The following PRKAG2 variants were observed in gnomAD, a reference collection of about 807,000 sequenced individuals.
PRKAG2 encodes the protein 5'-AMP-activated protein kinase subunit gamma-2.
PRKAG2 carries 26 observed loss-of-function variants against 69.6 expected under a neutral mutation model. That is an observed-to-expected ratio of 0.37 (90% CI 0.27 to 0.52). The LOEUF (loss-of-function observed/expected upper bound fraction) is 0.52. Among genes scored for constraint, PRKAG2 ranks in the 20% least tolerant of loss-of-function variants. The pLI, the probability that PRKAG2 is intolerant of heterozygous loss-of-function variation, is 0.90. For missense variants in PRKAG2, 557 were observed against 740.0 expected, an observed-to-expected ratio of 0.75 and a Z score of 2.87; for synonymous variants, 293 against 285.0, an observed-to-expected ratio of 1.03 and a Z score of -0.28.
intron 5 of PRKAG2, among the ~76,000 whole-genome samples, chr7:151,601,671 G>C (rs996545822): frequency 6.6e-6 from 1 of 152,124 alleles, no homozygotes; most frequent in South Asian, 2.1e-4. Flanking sequence ...CATCACCCCC[G>C]TCATTTCTAC....
chr7:151,560,727 G>C (rs1804753408), intron 14 of PRKAG2, 110 bp from the exon 15 acceptor site: 1 of 1,390,264 alleles, frequency 7.2e-7, no homozygotes, highest in East Asian at 2.5e-5. Flanking sequence ...CATCCCTCCA[G>C]CCTGGGGAAT....
chr7:151,839,032 T>C (rs77002713), intron 1 of PRKAG2, among the ~76,000 whole-genome samples: 2 of 64,350 alleles, frequency 3.1e-5, no homozygotes, highest in African/African-American at 9.0e-5. Flanking sequence ...AAAAAAAAAA[T>C]AGAAAAGGGG....
chr7:151,718,285 G>A (rs975754482), intron 3 of PRKAG2, among the ~76,000 whole-genome samples: 2 of 151,792 alleles, frequency 1.3e-5, no homozygotes, highest in Admixed American at 1.3e-4. Context: ...TGGAGGGGGG[G>A]GTAGAGCTCT....
At chr7:151,747,575 C>T in intron 3 of PRKAG2, among the ~76,000 whole-genome samples, 1 of 151,922 alleles carries the variant, frequency 6.6e-6, no homozygotes, top group Admixed American at 6.6e-5. Flanking sequence ...ACCAACCAAC[C>T]AAACAAACAA....
chr7:151,701,842 C>CA (rs71533538), intron 3 of PRKAG2, among the ~76,000 whole-genome samples: 7,572 of 92,254 alleles, frequency 0.082, 321 homozygotes, highest in East Asian at 0.26. Context: ...GACTCTGTCT[C>CA]AAAAAAAAAA....
At chr7:151,737,344 T>TAA (rs576477445) in intron 3 of PRKAG2, among the ~76,000 whole-genome samples, 50,509 of 142,876 alleles carry the variant, frequency 0.35, 9,120 homozygotes, top group East Asian at 0.41. Context: ...CCATCTCTAT[T>TAA]AAAAAAAAAA....
At chr7:151,605,506 G>A (rs926744000) in intron 5 of PRKAG2, among the ~76,000 whole-genome samples, 32 of 151,918 alleles carry the variant, frequency 2.1e-4, no homozygotes, top group African/African-American at 5.3e-4. Context: ...AGGCCAAGGC[G>A]GGTGGATTGC....
At chr7:151,577,730 C>T (rs73156289) in intron 6 of PRKAG2, among the ~76,000 whole-genome samples, 16,525 of 151,528 alleles carry the variant, frequency 0.11, 1,125 homozygotes, top group East Asian at 0.27. Context: ...ACCTCTCAAA[C>T]AAAACTTATC....
rs1308357161 is a variant in PRKAG2, at chr7:151,780,252, C to T, written c.466+900G>A. Among the ~76,000 whole-genome samples, 1 of 152,200 alleles carries T rather than the reference C, an allele frequency of 6.6e-6. No individual in the cohort carries two copies. The highest frequency in any genetic ancestry group is 2.4e-5 in the African/African-American group (1 of 41,450). ...TGGAAGAGTTCGAAGTCAGAAACAC[C>T]GAAATTCCCCTCTTGCTGCCGCCTG... On this transcript the variant is annotated intron_variant, in intron 3 of 15. Coordinates refer to ENST00000287878, the MANE Select transcript of PRKAG2 (RefSeq NM_016203.4). This position sits in a 1 kb window ranked among gnomAD's most constrained non-coding sequence, Gnocchi z 4.2.
Position 151,777,358 on chromosome 7 carries a change from C to A in PRKAG2, c.466+3794G>T, listed in dbSNP as rs537141011. Among the ~76,000 whole-genome samples the A allele has an allele frequency of 6.6e-6, 1 of 152,314 alleles. No homozygotes were observed. The highest frequency in any genetic ancestry group is 2.1e-4 in the South Asian group (1 of 4,830). The stretch of plus-strand genomic sequence containing the variant: ...CACCTCTGATAGAGGTTGAGTGTTT[C>A]TTCCCCGCTCTCAGGTTGAAATTGG... On this transcript the variant is annotated intron_variant, in intron 3 of 15. Coordinates refer to ENST00000287878, the MANE Select transcript of PRKAG2 (RefSeq NM_016203.4). This position sits in a 1 kb window ranked among gnomAD's most constrained non-coding sequence, Gnocchi z 4.3.
intron 1 of PRKAG2, among the ~76,000 whole-genome samples, chr7:151,846,336 C>T (rs972345841): frequency 7.9e-5 from 12 of 152,032 alleles, no homozygotes; most frequent in South Asian, 2.1e-4. Flanking sequence ...GGTGTGGTGG[C>T]GCACGCCTGT....
chr7:151,869,206 T>C (rs2080154638), intron 1 of PRKAG2, among the ~76,000 whole-genome samples: 1 of 152,240 alleles, frequency 6.6e-6, no homozygotes, highest in South Asian at 2.1e-4. Context: ...CTCTGCTGGC[T>C]GCTGCTTCTG....
intron 15 of PRKAG2, chr7:151,559,889 A>G (rs1200792488): frequency 2.0e-6 from 2 of 985,162 alleles, no homozygotes; most frequent in African/African-American, 1.7e-5. Context: ...AGAACTCTCA[A>G]GCCCACCTCT....
intron 1 of PRKAG2, among the ~76,000 whole-genome samples, chr7:151,855,833 T>C (rs1326135085): frequency 6.6e-6 from 1 of 152,170 alleles, no homozygotes; most frequent in Non-Finnish European, 1.5e-5. Flanking sequence ...CACAGATGAG[T>C]CTGTGTCCTC....
intron 1 of PRKAG2, among the ~76,000 whole-genome samples, chr7:151,855,076 CA>C (rs2079688019): frequency 3.7e-5 from 2 of 53,490 alleles, no homozygotes. Flanking sequence ...CCACACACAC[CA>C]TCCTCCACAC....
At chr7:151,640,309 CAACAAA>C (rs1189321110) in intron 4 of PRKAG2, among the ~76,000 whole-genome samples, 2 of 152,048 alleles carry the variant, frequency 1.3e-5, no homozygotes, top group African/African-American at 4.8e-5. Context: ...GACTCTGTCT[CAACAAA>C]AACAAAAACA....
intron 6 of PRKAG2, among the ~76,000 whole-genome samples, chr7:151,592,050 G>C (rs1813295889): frequency 6.6e-6 from 1 of 152,104 alleles, no homozygotes. Flanking sequence ...GGCCGAGACG[G>C]GGCTCGCCCA....
intron 1 of PRKAG2, chr7:151,809,268 C>G (rs568391837): frequency 4.2e-5 from 19 of 456,602 alleles, no homozygotes; most frequent in Non-Finnish European, 7.0e-5. Context: ...TAGGCCAGCC[C>G]GGCCCCTTCC....
intron 15 of PRKAG2, chr7:151,557,630 G>A: frequency 5.7e-6 from 5 of 873,802 alleles, no homozygotes; most frequent in South Asian, 1.1e-4. Context: ...AGCACTTTGG[G>A]AGGCCGAGGC....
Sources: gnomAD v4.1 joint callset for allele counts (sites outside exome capture counted in the v4.1 genomes callset) on GRCh38, gnomAD v4.1.1 for gene constraint, Gnocchi (gnomAD v3.1) non-coding constraint, MANE v1.5 for transcripts, NCBI Gene and HGNC (gene_info 2026-07-23, HGNC 2026-07-21) for gene names.